Variants in TOX observed in about 807,000 individuals in gnomAD.
TOX encodes thymocyte selection-associated high mobility group box protein TOX.
TOX carries 11 observed loss-of-function variants against 53.7 expected under a neutral mutation model. That is an observed-to-expected ratio of 0.20 (90% CI 0.13 to 0.34). TOX has a LOEUF of 0.34. TOX is among the 10% of genes least tolerant of loss of function. The pLI is 1.00. For synonymous variants in TOX, 225 were observed against 245.3 expected, an observed-to-expected ratio of 0.92 and a Z score of 0.77; for missense variants, 570 against 664.6, an observed-to-expected ratio of 0.86 and a Z score of 1.56.
intron 5 of TOX, among the ~76,000 whole-genome samples, chr8:58,836,075 C>A (rs1426622562): frequency 6.6e-6 from 1 of 152,154 alleles, no homozygotes; most frequent in East Asian, 1.9e-4. Flanking sequence ...GTTTATGGTA[C>A]TGAAGCCAGG....
chr8:58,889,385 T>G (rs1811525364), intron 3 of TOX, among the ~76,000 whole-genome samples: 3 of 148,786 alleles, frequency 2.0e-5, no homozygotes, highest in African/African-American at 7.5e-5. Context: ...AGGAGCGGAG[T>G]AGTGTGTCAT....
Position 58,943,276 on chromosome 8 carries a change from G to A in TOX, c.169-3732C>T, listed in dbSNP as rs370648946. ...TGGGTGACTGCTGGGGCACGTGAAGGAAGTCACAGCAGCAGTTCTGATGCC... is the reference window on the plus strand; with the variant it reads ...TGGGTGACTGCTGGGGCACGTGAAGAAAGTCACAGCAGCAGTTCTGATGCC... On this transcript the variant is annotated intron_variant, in intron 2 of 8. Transcript: ENST00000361421. Among the ~76,000 whole-genome samples the A allele has an allele frequency of 2.9e-3, 434 of 152,262 alleles. 11 individuals carry two copies. The South Asian group carries it at 0.076, about 27-fold the overall frequency.
intron 1 of TOX, among the ~76,000 whole-genome samples, chr8:58,975,883 C>T (rs1276766207): frequency 6.6e-6 from 1 of 152,094 alleles, no homozygotes; most frequent in East Asian, 1.9e-4. Flanking sequence ...ACCATCCTGG[C>T]CAACATGGTG....
chr8:58,868,852 A>AG (rs1811147528), intron 3 of TOX, among the ~76,000 whole-genome samples: 1 of 145,082 alleles, frequency 6.9e-6, no homozygotes, highest in Non-Finnish European at 1.5e-5. Context: ...AATCAATAAC[A>AG]GGAAAAGAAC....
intron 1 of TOX, among the ~76,000 whole-genome samples, chr8:58,980,217 GAGAA>G (rs1165993699): frequency 6.6e-6 from 1 of 152,252 alleles, no homozygotes; most frequent in Middle Eastern, 3.4e-3. Flanking sequence ...AGAGAAATAT[GAGAA>G]AGAAAGAGAG....
At chr8:58,859,011 G>T (rs1311327030) in intron 3 of TOX, among the ~76,000 whole-genome samples, 1 of 152,062 alleles carries the variant, frequency 6.6e-6, no homozygotes, top group East Asian at 1.9e-4. Context: ...TAAATGTGTG[G>T]GGAAATTTAA....
Position 59,061,700 on chromosome 8 carries a change from G to A in TOX, c.102+57186C>T, listed in dbSNP as rs370491091. ...TAAAGCCCACTCCTTTATGTCGGTCGTTCCATCATTTAACACTTTCCTATA... is the reference window on the plus strand; with the variant it reads ...TAAAGCCCACTCCTTTATGTCGGTCATTCCATCATTTAACACTTTCCTATA... On this transcript the variant is annotated intron_variant, in intron 1 of 8. Coordinates refer to ENST00000361421, the MANE Select transcript of TOX (RefSeq NM_014729.3). Among the ~76,000 whole-genome samples the A allele has an allele frequency of 4.5e-4, 68 of 151,806 alleles. 1 individual carries two copies. The highest frequency in any genetic ancestry group is 1.2e-3 in the African/African-American group (50 of 41,390).
intron 5 of TOX, among the ~76,000 whole-genome samples, chr8:58,833,087 T>C (rs1810489644): frequency 6.6e-6 from 1 of 152,202 alleles, no homozygotes; most frequent in African/African-American, 2.4e-5. Context: ...TACACTAAAC[T>C]CTGAATAGGC....
chr8:58,823,482 C>G (rs565694457), intron 6 of TOX, among the ~76,000 whole-genome samples: 1 of 152,282 alleles, frequency 6.6e-6, no homozygotes, highest in Admixed American at 6.5e-5. Context: ...CCTCAGCCTC[C>G]CAAAGTGCTG....
intron 1 of TOX, among the ~76,000 whole-genome samples, chr8:59,065,054 C>A (rs1804062596): frequency 1.3e-5 from 2 of 152,122 alleles, no homozygotes; most frequent in Non-Finnish European, 2.9e-5. Flanking sequence ...TAAACTTCCA[C>A]AAGCTCAGGT....
At chr8:58,880,111 G>A (rs528293965) in intron 3 of TOX, among the ~76,000 whole-genome samples, 112 of 152,150 alleles carry the variant, frequency 7.4e-4, no homozygotes, top group Non-Finnish European at 1.1e-3. Flanking sequence ...TCTAGAATGA[G>A]GGATTATTCC....
At chr8:59,086,133 G>A (rs1188056977) in intron 1 of TOX, among the ~76,000 whole-genome samples, 1 of 151,656 alleles carries the variant, frequency 6.6e-6, no homozygotes, top group East Asian at 1.9e-4. Context: ...CTACGGGTGT[G>A]CGCCACCATG....
At chr8:59,047,317 T>C (rs71521440) in intron 1 of TOX, among the ~76,000 whole-genome samples, 10,496 of 145,904 alleles carry the variant, frequency 0.072, 377 homozygotes, top group East Asian at 0.22. Flanking sequence ...CCTGGGTTCA[T>C]GCCATTCTCC....
chr8:59,106,182 T>G (rs1804897096), intron 1 of TOX, among the ~76,000 whole-genome samples: 1 of 152,106 alleles, frequency 6.6e-6, no homozygotes, highest in Non-Finnish European at 1.5e-5. Flanking sequence ...CAGAAATATA[T>G]CCTTCCTTCC....
chr8:58,862,891 C>G (rs1283097072), intron 3 of TOX, among the ~76,000 whole-genome samples: 2 of 152,084 alleles, frequency 1.3e-5, no homozygotes, highest in Non-Finnish European at 2.9e-5. Flanking sequence ...ATATGAACTA[C>G]ATGTTCTAAT....
chr8:58,862,213 A>G (rs1811023042), intron 3 of TOX, among the ~76,000 whole-genome samples: 1 of 152,170 alleles, frequency 6.6e-6, no homozygotes, highest in South Asian at 2.1e-4. Context: ...GGAAAATTAC[A>G]ATGTCTTTCA....
At chr8:58,857,944 A>AT (rs1369426015) in intron 3 of TOX, among the ~76,000 whole-genome samples, 1 of 152,058 alleles carries the variant, frequency 6.6e-6, no homozygotes, top group East Asian at 1.9e-4. Context: ...TACTTGTTGT[A>AT]TTTTTAGTAA....
chr8:59,014,406 T>A (rs541000295), intron 1 of TOX, among the ~76,000 whole-genome samples: 22 of 152,382 alleles, frequency 1.4e-4, no homozygotes, highest in Admixed American at 1.2e-3. Flanking sequence ...TCCTGTCATC[T>A]GTTTTCATAC....
In TOX at chr8:58,806,067, T is replaced by C. The variant is rs979920444; in HGVS notation, c.*1680A>G. ...ATGATCCCCTAAAAAGGAGTAAATC[T>C]GCTAGCTTTTTCTTTTTTTAATGTG... is the stretch of plus-strand genomic sequence containing the variant. On this transcript the variant is annotated 3_prime_UTR_variant, in exon 9 of 9. Coordinates refer to ENST00000361421, the MANE Select transcript of TOX (RefSeq NM_014729.3). 5 of 152,486 alleles carry C rather than the reference T, an allele frequency of 3.3e-5. No homozygotes were observed. The highest frequency in any genetic ancestry group is 1.2e-4 in the African/African-American group (5 of 41,452). The allele number at this position is 152,486 out of a possible 1,614,324, so 9.4% of individuals were successfully genotyped here.
Sources: allele counts gnomAD v4.1 joint callset (sites outside exome capture counted in the v4.1 genomes callset), GRCh38; gene constraint gnomAD v4.1.1; transcripts MANE v1.5; gene names NCBI Gene and HGNC (gene_info 2026-07-23, HGNC 2026-07-21).